Variants in GRM3 observed in about 807,000 individuals in gnomAD.
GRM3 encodes the protein metabotropic glutamate receptor 3.
In GRM3, 26 loss-of-function variants were observed where a neutral mutation model predicts 70.5. The observed-to-expected ratio is 0.37, with a 90% CI of 0.27 to 0.51. The LOEUF is 0.51. Ranked by LOEUF, GRM3 falls within the 20% of genes least tolerant of loss-of-function variation. The probability of loss-of-function intolerance (pLI) is 0.93; values close to 1 mark genes in which losing one functional copy is unlikely to be tolerated. For synonymous variants in GRM3, 443 were observed against 434.9 expected (o/e 1.02, Z -0.23); for missense variants, 859 against 1,123.8 (o/e 0.76, Z 3.37).
intron 1 of GRM3, among the ~76,000 whole-genome samples, chr7:86,751,697 T>C (rs1337931424): frequency 6.6e-6 from 1 of 152,102 alleles, no homozygotes; most frequent in Non-Finnish European, 1.5e-5. Context: ...ATTTGTCATT[T>C]ACACCCAGAC....
At chr7:86,798,074 G>A (rs1797595153) in intron 3 of GRM3, among the ~76,000 whole-genome samples, 1 of 152,212 alleles carries the variant, frequency 6.6e-6, no homozygotes, top group African/African-American at 2.4e-5. Context: ...GGGTGTCCAG[G>A]GAGAGGTGTG....
intron 2 of GRM3, among the ~76,000 whole-genome samples, chr7:86,778,669 T>C (rs1562859573): frequency 6.6e-6 from 1 of 152,166 alleles, no homozygotes; most frequent in African/African-American, 2.4e-5. Flanking sequence ...TTTGCTCCCA[T>C]GATCACAGCA....
At chr7:86,864,156 T>G in intron 5 of GRM3, 126 bp from the exon 6 acceptor site, 1 of 660,122 alleles carries the variant, frequency 1.5e-6, no homozygotes, top group East Asian at 2.5e-5. Flanking sequence ...CAATTTGTAG[T>G]CTTTTATCCC....
intron 1 of GRM3, among the ~76,000 whole-genome samples, chr7:86,747,108 A>G (rs1256666944): frequency 1.3e-5 from 2 of 152,072 alleles, no homozygotes; most frequent in Non-Finnish European, 2.9e-5. Context: ...TCCATATGTA[A>G]GTGTCCATGA....
rs189797462 is a variant in GRM3, at chr7:86,735,903, T to C, written c.-140-29103T>C. ...AAATTGTATGTCTATCCTCAAAGCATTAGAGAGAAGCAGCACAGGAATTAA... is the reference window on the plus strand; with the variant it reads ...AAATTGTATGTCTATCCTCAAAGCACTAGAGAGAAGCAGCACAGGAATTAA... On this transcript the variant is annotated intron_variant, in intron 1 of 5. Coordinates refer to ENST00000361669, the MANE Select transcript of GRM3 (RefSeq NM_000840.3). Among the ~76,000 whole-genome samples, 279 of 152,286 alleles carry C rather than the reference T, an allele frequency of 1.8e-3. 1 individual carries two copies. Among genetic ancestry groups the C allele is most frequent in the African/African-American group, 6.3e-3 (260 of 41,564 alleles).
In GRM3 at chr7:86,765,632, A is replaced by T. The variant is rs766736488; in HGVS notation, c.468+19A>T. On this transcript the variant is annotated intron_variant, in intron 2 of 5. Coordinates refer to ENST00000361669, the MANE Select transcript of GRM3 (RefSeq NM_000840.3). ...CATACAGGTAAGATTGGCTAATGCT[A>T]TTGCTAAAAGGCTGTATCTCTTTGC... 3.1e-6 allele frequency: 5 copies of T among 1,599,852 alleles called. No individual in the cohort carries two copies. In the African/African-American group the frequency reaches 6.7e-5, roughly 21 times the overall value.
intron 1 of GRM3, among the ~76,000 whole-genome samples, chr7:86,753,703 G>A (rs1368370465): frequency 6.6e-6 from 1 of 152,018 alleles, no homozygotes; most frequent in Non-Finnish European, 1.5e-5. Context: ...TCTGATCTAA[G>A]GTACTATACC....
chr7:86,848,754 T>C (rs1798703990), intron 4 of GRM3, among the ~76,000 whole-genome samples: 1 of 152,158 alleles, frequency 6.6e-6, no homozygotes, highest in South Asian at 2.1e-4. Flanking sequence ...AACAAAGGAC[T>C]ACCTCAAGAC....
chr7:86,843,268 C>G (rs6955452), intron 4 of GRM3, among the ~76,000 whole-genome samples: 16,918 of 152,076 alleles, frequency 0.11, 1,635 homozygotes, highest in African/African-American at 0.27. Context: ...GTAAACAGAG[C>G]ATAATGACCT....
chr7:86,806,127 T>C (rs1797786774), intron 3 of GRM3, among the ~76,000 whole-genome samples: 1 of 152,214 alleles, frequency 6.6e-6, no homozygotes, highest in African/African-American at 2.4e-5. Context: ...ATGTGCCACA[T>C]TTTCTTAATC....
chr7:86,774,518 C>T (rs188473166), intron 2 of GRM3, among the ~76,000 whole-genome samples: 252 of 152,192 alleles, frequency 1.7e-3, no homozygotes, highest in Admixed American at 5.8e-3. Context: ...CTTGCCAACA[C>T]TTTGGCTTCA....
At chr7:86,703,815 C>T (rs1283895422) in intron 1 of GRM3, among the ~76,000 whole-genome samples, 1 of 151,846 alleles carries the variant, frequency 6.6e-6, no homozygotes, top group Non-Finnish European at 1.5e-5. Context: ...GCAAATGAAA[C>T]AGTAAAATGG....
rs555191913 is a variant in GRM3 at position 86,829,389 on chromosome 7, C to T, written c.1325-9450C>T. Reference sequence around the variant, plus strand: ...CTTGCTGGAGTTGTGCTTTTAATTTCCTTCAAGAACTTTTCTTTTGCATTC... The same window carrying T: ...CTTGCTGGAGTTGTGCTTTTAATTTTCTTCAAGAACTTTTCTTTTGCATTC... On this transcript the variant is annotated intron_variant, in intron 3 of 5. Transcript: ENST00000361669. Among the ~76,000 whole-genome samples the T allele has an allele frequency of 2.6e-5, 4 of 152,280 alleles. No homozygotes were observed. In the South Asian group the frequency reaches 8.3e-4, roughly 32 times the overall value.
At position 86,838,085 on chromosome 7, in the gene GRM3, GC is replaced by G. The variant is rs770171351; in HGVS notation, c.1325-751del. 5.9e-5 allele frequency among the ~76,000 whole-genome samples: 9 copies of G among 152,170 alleles called. No homozygotes were observed. The East Asian group carries it at 1.5e-3, about 26-fold the overall frequency. On this transcript the variant is annotated intron_variant, in intron 3 of 5. Transcript: ENST00000361669. Reference sequence around the variant, plus strand: ...TAAAAAAGAGACAGGGTTGAGGGTGGCCCACTTGGCTGAGTGCTACTGACCC... The same window carrying G: ...TAAAAAAGAGACAGGGTTGAGGGTGGCCACTTGGCTGAGTGCTACTGACCC...
intron 3 of GRM3, among the ~76,000 whole-genome samples, chr7:86,803,487 G>A (rs890392715): frequency 3.3e-5 from 5 of 152,146 alleles, no homozygotes; most frequent in Admixed American, 6.5e-5. Context: ...TTTTTCTTGG[G>A]AGCATGATCT....
At chr7:86,662,422 C>A (rs1490679867) in intron 1 of GRM3, among the ~76,000 whole-genome samples, 2 of 151,766 alleles carry the variant, frequency 1.3e-5, no homozygotes, top group African/African-American at 4.8e-5. Flanking sequence ...AGACCTTGGA[C>A]ACAATGAACC....
intron 1 of GRM3, among the ~76,000 whole-genome samples, chr7:86,747,890 G>A (rs1052865532): frequency 6.6e-5 from 10 of 152,076 alleles, no homozygotes; most frequent in African/African-American, 2.4e-4. Context: ...CCCTTGCTCT[G>A]TTAATTGTGA....
At chr7:86,679,635 A>G (rs373835646) in intron 1 of GRM3, among the ~76,000 whole-genome samples, 2 of 151,970 alleles carry the variant, frequency 1.3e-5, no homozygotes, top group East Asian at 3.9e-4. Flanking sequence ...GAGTATCTTC[A>G]TTGGCATCTG....
chr7:86,769,759 C>A (rs2116436126), intron 2 of GRM3, among the ~76,000 whole-genome samples: 1 of 152,236 alleles, frequency 6.6e-6, no homozygotes, highest in East Asian at 1.9e-4. Context: ...TTATTAAGTA[C>A]AACAAGCCAG....
Sources: allele counts gnomAD v4.1 joint callset (sites outside exome capture counted in the v4.1 genomes callset), GRCh38; gene constraint gnomAD v4.1.1; transcripts MANE v1.5; gene names NCBI Gene and HGNC (gene_info 2026-07-23, HGNC 2026-07-21).